ABCC10: variants seen among roughly 807,000 people sequenced by gnomAD.
The protein encoded by ABCC10 is ATP-binding cassette sub-family C member 10.
In ABCC10, 110 loss-of-function variants were observed where a neutral mutation model predicts 143.2. The observed-to-expected ratio is 0.77, with a 90% CI of 0.66 to 0.90. The LOEUF (loss-of-function observed/expected upper bound fraction) is 0.90, where lower values mean the gene tolerates loss of function less well. ABCC10 is among the 40% of genes least tolerant of loss of function. The pLI is 0.00. For synonymous variants in ABCC10, 805 were observed against 846.7 expected, an observed-to-expected ratio of 0.95 and a Z score of 0.85; for missense variants, 1,700 against 1,900.5, an observed-to-expected ratio of 0.89 and a Z score of 1.96.
intron 16 of ABCC10, chr6:43,446,721 C>T (rs1437237880): frequency 2.6e-5 from 33 of 1,285,480 alleles, no homozygotes; most frequent in Admixed American, 1.1e-4. Context: ...CACCACACTG[C>T]CCCAGCCCGC....
chr6:43,451,083 C>G, downstream of ABCC10: 1 of 1,614,272 alleles, frequency 6.2e-7, no homozygotes, highest in South Asian at 1.1e-5. This position sits in a 1 kb window ranked among gnomAD's most constrained non-coding sequence, Gnocchi z 4.4. Flanking sequence ...TCCAGCAAAG[C>G]CCTCAGGACA....
At position 43,449,563 on chromosome 6, in the gene ABCC10, C is replaced by T. The variant is rs779957164; in HGVS notation, c.4316+29C>T. On this transcript the variant is annotated intron_variant, in intron 21 of 21. Transcript: ENST00000372530. ...TGTAAACGCCTGGTAACAGCCTAAT[C>T]AGGGACTGTGGTAGCATGCACCGAG... is the stretch of plus-strand genomic sequence containing the variant. The T allele has an allele frequency of 1.9e-6, 3 of 1,580,038 alleles. No individual in the cohort carries two copies. The South Asian group carries it at 3.4e-5, about 18-fold the overall frequency.
Position 43,434,804 on chromosome 6 carries a change from T to C in ABCC10, c.1564T>C (p.Phe522Leu). ...ACCGGTTGTCATCTCCATCGTTATC[T>C]TCATCACCTATGTCCTCATGGGGCA... Reference protein sequence around the residue: ...ALPVVISIVIFITYVLMGHQL... With the variant: ...ALPVVISIVILITYVLMGHQL... The change falls in exon 4 of 22, where the codon TTC becomes CTC. Residue 522 changes from phenylalanine (F) to leucine (L), a missense_variant. By Grantham distance (22) the Phe-to-Leu change is conservative. Transcript: ENST00000372530. 1 of 1,614,176 alleles carries C rather than the reference T, an allele frequency of 6.2e-7. No individual in the cohort carries two copies. The highest frequency in any genetic ancestry group is 8.5e-7 in the Non-Finnish European group (1 of 1,180,036).
chr6:43,433,242 T>C lies in ABCC10; in HGVS notation c.1262T>C (p.Val421Ala). 1 of 1,614,084 alleles carries C rather than the reference T, an allele frequency of 6.2e-7. No homozygotes were observed. Among genetic ancestry groups the C allele is most frequent in the South Asian group, 1.1e-5 (1 of 91,050 alleles). ...TACCTGCTGTACCAGCAGGTAGGCGTGGCCTTCGTGGGTGGTCTCATCTTG... is the reference window on the plus strand; with the variant it reads ...TACCTGCTGTACCAGCAGGTAGGCGCGGCCTTCGTGGGTGGTCTCATCTTG... ...TLYLLYQQVGVAFVGGLILAL... is the reference protein window; with the variant it reads ...TLYLLYQQVGAAFVGGLILAL... Residue 421 changes from valine (V) to alanine (A), a missense_variant, in exon 3 of 22, where the codon GTG becomes GCG. Coordinates refer to ENST00000372530, the MANE Select transcript of ABCC10 (RefSeq NM_001198934.2).
At position 43,432,704 on chromosome 6, in the gene ABCC10, C is replaced by A; in HGVS notation, c.724C>A (p.Arg242=). ...GGCCCGTGGGGCCTGTGGAGAGCTCCGGCAGCCTCAGGACATTTGCCGCCT... is the reference window on the plus strand; with the variant it reads ...GGCCCGTGGGGCCTGTGGAGAGCTCAGGCAGCCTCAGGACATTTGCCGCCT... ...LLARGACGEL[R]QPQDICRLPH... is the part of the protein sequence containing the mutation. The change falls in exon 3 of 22, where the codon CGG becomes AGG. Residue 242 remains arginine, a synonymous_variant. Coordinates refer to ENST00000372530, the MANE Select transcript of ABCC10 (RefSeq NM_001198934.2). 1 of 1,613,860 alleles carries A rather than the reference C, an allele frequency of 6.2e-7. No homozygotes were observed. The highest frequency in any genetic ancestry group is 1.1e-5 in the South Asian group (1 of 91,084).
chr6:43,450,494 G>A (rs190322173), downstream of ABCC10: 86 of 1,519,334 alleles, frequency 5.7e-5, no homozygotes, highest in Non-Finnish European at 7.4e-5. The surrounding 1 kb of genome is among the most constrained non-coding windows in gnomAD (Gnocchi z 4.5). Flanking sequence ...TCCAGTCTGA[G>A]GGGTGGAAGA....
At chr6:43,427,821 C>T (rs1780663678) in intron 1 of ABCC10, 64 bp downstream of exon 1, 1 of 849,568 alleles carries the variant, frequency 1.2e-6, no homozygotes, top group Middle Eastern at 2.4e-4. Flanking sequence ...CTTGGTACCG[C>T]GAGAATGGGC....
chr6:43,449,272 A>C, intron 20 of ABCC10, 68 bp downstream of exon 20: 1 of 1,564,968 alleles, frequency 6.4e-7, no homozygotes, highest in Non-Finnish European at 8.7e-7. Flanking sequence ...GTGGGGAGGT[A>C]GAGTGGGGAG....
At chr6:43,437,433 C>CAAAAAAAA (rs57827467) in intron 6 of ABCC10, among the ~76,000 whole-genome samples, 3 of 102,392 alleles carry the variant, frequency 2.9e-5, no homozygotes, top group African/African-American at 1.9e-4. Flanking sequence ...AACATATGAC[C>CAAAAAAAA]AAAAAAAAAA....
chr6:43,431,376 C>T (rs1338581891), intron 2 of ABCC10, among the ~76,000 whole-genome samples: 3 of 151,600 alleles, frequency 2.0e-5, no homozygotes, highest in African/African-American at 7.3e-5. Flanking sequence ...TCTTTTTTTT[C>T]CTGAGACGGA....
intron 12 of ABCC10, 36 bp from the exon 13 acceptor site, chr6:43,444,751 AG>A: frequency 1.9e-6 from 3 of 1,545,522 alleles, no homozygotes; most frequent in Non-Finnish European, 2.6e-6. Flanking sequence ...AAGGGAGAGG[AG>A]CCTCTTACAG....
chr6:43,442,033 AG>A, intron 9 of ABCC10, 73 bp downstream of exon 9: 1 of 1,314,440 alleles, frequency 7.6e-7, no homozygotes, highest in Non-Finnish European at 1.1e-6. Context: ...TGGCTGAGTT[AG>A]GAGGATAGGA....
rs1780654655 is a variant in ABCC10, at chr6:43,427,716, G to A, written c.-53G>A. 1 of 565,418 alleles carries A rather than the reference G, an allele frequency of 1.8e-6. No individual in the cohort carries two copies. The highest frequency in any genetic ancestry group is 1.9e-5 in the African/African-American group (1 of 53,244). The allele number at this position is 565,418 out of a possible 1,614,324, so 35.0% of individuals were successfully genotyped here. Reference sequence around the variant, plus strand: ...CTTCTTCAGGTTTGAGGTTCCGGATGCCTGGGGGCGGAGAAACGGGAGGGG... The same window carrying A: ...CTTCTTCAGGTTTGAGGTTCCGGATACCTGGGGGCGGAGAAACGGGAGGGG... On this transcript the variant is annotated 5_prime_UTR_variant, in exon 1 of 22. The change abolishes an upstream ATG in the 5' untranslated region. Transcript: ENST00000372530.
Position 43,432,511 on chromosome 6 carries a change from G to A in ABCC10, c.531G>A (p.Leu177=), listed in dbSNP as rs773772558. The change falls in exon 3 of 22, where the codon CTG becomes CTA. Residue 177 remains leucine, a synonymous_variant. Coordinates refer to ENST00000372530, the MANE Select transcript of ABCC10 (RefSeq NM_001198934.2). ...TGGCCCGCCTATGCTTGCTCATCCT[G>A]CAGCTGGCTGCACTCTTGGCCTATG... is the stretch of plus-strand genomic sequence containing the variant. ...GPMARLCLLI[L]QLAALLAYAL... 12 of 1,612,078 alleles carry A rather than the reference G, an allele frequency of 7.4e-6. No individual in the cohort carries two copies. Among genetic ancestry groups the A allele is most frequent in the Non-Finnish European group, 9.3e-6 (11 of 1,180,036 alleles).
intron 7 of ABCC10, 190 bp downstream of exon 7, chr6:43,438,203 C>A: frequency 1.1e-6 from 1 of 895,892 alleles, no homozygotes. Context: ...ATCATTACAC[C>A]AGAGTGTTTT....
At chr6:43,445,462 C>G in intron 14 of ABCC10, 137 bp from the exon 15 acceptor site, 1 of 1,358,178 alleles carries the variant, frequency 7.4e-7, no homozygotes, top group Non-Finnish European at 1.0e-6. Context: ...CTTCTCTGCC[C>G]CCAAATTCTG....
chr6:43,437,606 T>A (rs1781887705), intron 6 of ABCC10, among the ~76,000 whole-genome samples: 2 of 152,114 alleles, frequency 1.3e-5, no homozygotes, highest in African/African-American at 2.4e-5. Flanking sequence ...CCCTCTCCCG[T>A]TCTGGAGTGC....
rs199914561 is a variant in ABCC10, at chr6:43,445,176, C to A, written c.2892C>A (p.Ile964=). The A allele has an allele frequency of 7.4e-5, 120 of 1,614,132 alleles. No individual in the cohort carries two copies. The highest frequency in any genetic ancestry group is 1.7e-4 in the Admixed American group (10 of 60,026). ...CTGCCCCCAATGGCTCCTCAGACATCCGTTTCTACCTCACCGTGTATGCGA... is the reference window on the plus strand; with the variant it reads ...CTGCCCCCAATGGCTCCTCAGACATACGTTTCTACCTCACCGTGTATGCGA... The part of the protein sequence containing the change: ...PKAAPNGSSD[I]RFYLTVYATI... Residue 964 remains isoleucine (I), a synonymous_variant, in exon 14 of 22, where the codon ATC becomes ATA. Transcript: ENST00000372530.
chr6:43,450,609 C>G, downstream of ABCC10: 1 of 1,606,462 alleles, frequency 6.2e-7, no homozygotes, highest in South Asian at 1.1e-5. The surrounding 1 kb of genome is among the most constrained non-coding windows in gnomAD (Gnocchi z 4.5). Flanking sequence ...TGGCAGCATG[C>G]TAACCTGACA....
Sources: gnomAD v4.1 joint callset for allele counts (sites outside exome capture counted in the v4.1 genomes callset) on GRCh38, gnomAD v4.1.1 for gene constraint, Gnocchi (gnomAD v3.1) non-coding constraint, MANE v1.5 for transcripts, NCBI Gene and HGNC (gene_info 2026-07-23, HGNC 2026-07-21) for gene names.